The following STK10 variants were observed in gnomAD, a reference collection of about 807,000 sequenced individuals.
The protein encoded by STK10 is serine/threonine kinase 10.
STK10 carries 78 observed loss-of-function variants against 113.8 expected under a neutral mutation model. That is an observed-to-expected ratio of 0.69 (90% CI 0.57 to 0.83). The LOEUF is 0.83. STK10 is among the 40% of genes least tolerant of loss of function. STK10 has a pLI of 0.00. For missense variants in STK10, 1,109 were observed against 1,280.1 expected (o/e 0.87, Z 2.04); for synonymous variants, 465 against 494.7 (o/e 0.94, Z 0.80).
In STK10 at chr5:172,184,201, T is replaced by A. The variant is rs1438718482; in HGVS notation, c.156+3686A>T. Among the ~76,000 whole-genome samples the A allele has an allele frequency of 1.3e-5, 2 of 152,174 alleles. 1 individual carries two copies. Among genetic ancestry groups the A allele is most frequent in the Non-Finnish European group, 2.9e-5 (2 of 68,026 alleles). On this transcript the variant is annotated intron_variant, in intron 1 of 18. Transcript: ENST00000176763. ...AGATGGAATTTTTGGTTTGGGTTACTTCAGTAACCAGGCCAGGGAAAACCA... is the reference window on the plus strand; with the variant it reads ...AGATGGAATTTTTGGTTTGGGTTACATCAGTAACCAGGCCAGGGAAAACCA...
chr5:172,157,216 G>A (rs889724571), intron 1 of STK10, among the ~76,000 whole-genome samples: 2 of 152,188 alleles, frequency 1.3e-5, no homozygotes, highest in Non-Finnish European at 2.9e-5. Context: ...AGGCTGGGGA[G>A]GGGCCAGAAA....
intron 3 of STK10, 39 bp downstream of exon 3, chr5:172,127,334 G>GTCTGGTCCCGACAATGCA (rs751790566): frequency 1.1e-5 from 17 of 1,612,250 alleles, no homozygotes; most frequent in African/African-American, 1.3e-5. Context: ...CAAACGAGTC[G>GTCTGGTCCCGACAATGCA]TCTGGTCCCG....
At chr5:172,121,009 G>T (rs1233372608) in intron 3 of STK10, among the ~76,000 whole-genome samples, 8 of 150,032 alleles carry the variant, frequency 5.3e-5, no homozygotes, top group South Asian at 4.2e-4. Flanking sequence ...TTTGTTTTTT[G>T]TTGTTGTTGT....
At chr5:172,074,603 T>C (rs1272010366) in intron 12 of STK10, among the ~76,000 whole-genome samples, 1 of 152,148 alleles carries the variant, frequency 6.6e-6, no homozygotes, top group Non-Finnish European at 1.5e-5. Context: ...AAACCTAAAA[T>C]TGTAAAACTT....
chr5:172,057,330 G>T lies in STK10; in HGVS notation c.2337+19C>A. ...CGGCCCGGCAGCAGATCCGAGCCCC[G>T]TGCCACCGGCAGCCTCACCTTCTCA... On this transcript the variant is annotated intron_variant, in intron 15 of 18. Coordinates refer to ENST00000176763, the MANE Select transcript of STK10 (RefSeq NM_005990.4). 6.3e-7 allele frequency: 1 copy of T among 1,578,722 alleles called. No individual in the cohort carries two copies. Among genetic ancestry groups the T allele is most frequent in the Non-Finnish European group, 8.6e-7 (1 of 1,163,788 alleles).
intron 4 of STK10, chr5:172,114,805 T>G (rs1769339270): frequency 6.6e-6 from 1 of 151,912 alleles, no homozygotes; most frequent in African/African-American, 2.4e-5. Context: ...TTTCTTCCGT[T>G]TTTTAGGAAC....
At chr5:172,101,278 C>G (rs1010072108) in intron 7 of STK10, among the ~76,000 whole-genome samples, 3 of 151,936 alleles carry the variant, frequency 2.0e-5, no homozygotes, top group African/African-American at 7.3e-5. Flanking sequence ...CAAGACCAGC[C>G]TGGCCAACAT....
At chr5:172,175,899 A>AT (rs2098428783) in intron 1 of STK10, among the ~76,000 whole-genome samples, 1 of 152,202 alleles carries the variant, frequency 6.6e-6, no homozygotes, top group Admixed American at 6.5e-5. Context: ...GTGTGGAGTG[A>AT]GGATATCCCC....
chr5:172,083,003 C>G lies in STK10; in HGVS notation c.1767G>C (p.Leu589=), dbSNP rs140971878. ...AACGTTTATGCATTTGCTCCAGCTG[C>G]AGCTCATGCTTGTTACTCAGCTGGG... is the stretch of plus-strand genomic sequence containing the variant. ...NQTQLSNKHE[L]QLEQMHKRFE... Residue 589 remains leucine (L), a synonymous_variant, in exon 11 of 19, where the codon CTG becomes CTC. Coordinates refer to ENST00000176763, the MANE Select transcript of STK10 (RefSeq NM_005990.4). 1 of 1,613,928 alleles carries G rather than the reference C, an allele frequency of 6.2e-7. No homozygotes were observed. Among genetic ancestry groups the G allele is most frequent in the African/African-American group, 1.3e-5 (1 of 74,916 alleles).
At chr5:172,166,344 C>T (rs558139250) in intron 1 of STK10, among the ~76,000 whole-genome samples, 10 of 152,280 alleles carry the variant, frequency 6.6e-5, no homozygotes, top group South Asian at 4.1e-4. Flanking sequence ...TTACATGAGC[C>T]GATAAATTCC....
intron 7 of STK10, among the ~76,000 whole-genome samples, chr5:172,105,018 T>C (rs113246397): frequency 1.2e-4 from 19 of 152,246 alleles, no homozygotes; most frequent in African/African-American, 3.6e-4. Context: ...GTTCTCTCTG[T>C]GCTTTTGCTG....
intron 1 of STK10, among the ~76,000 whole-genome samples, chr5:172,179,789 A>C (rs1770818776): frequency 6.6e-6 from 1 of 152,200 alleles, no homozygotes; most frequent in Admixed American, 6.5e-5. Flanking sequence ...GGGAGGACTG[A>C]GACCTTCCCC....
At chr5:172,158,194 C>G (rs891393778) in intron 1 of STK10, among the ~76,000 whole-genome samples, 1 of 151,994 alleles carries the variant, frequency 6.6e-6, no homozygotes, top group Non-Finnish European at 1.5e-5. Context: ...AATGGTGCAG[C>G]CAGTGTGGAA....
chr5:172,167,395 G>A (rs1410822699), intron 1 of STK10, among the ~76,000 whole-genome samples: 1 of 152,160 alleles, frequency 6.6e-6, no homozygotes, highest in African/African-American at 2.4e-5. Flanking sequence ...ATTGTAACTA[G>A]GCTACAATTT....
chr5:172,084,303 G>A (rs375499876), intron 10 of STK10, among the ~76,000 whole-genome samples: 1 of 152,070 alleles, frequency 6.6e-6, no homozygotes, highest in South Asian at 2.1e-4. Flanking sequence ...AAGAGGCTGA[G>A]GCAAGAGAAT....
Position 172,082,828 on chromosome 5 carries a change from G to C in STK10, c.1809+133C>G. On this transcript the variant is annotated intron_variant, in intron 11 of 18. Transcript: ENST00000176763. This position sits in a 1 kb window ranked among gnomAD's most constrained non-coding sequence, Gnocchi z 4.3. ...TAACAAGTCACTGCCTAACAAGATC[G>C]GGAAGCCCCCAGGAATTGGGCAATT... The C allele has an allele frequency of 7.2e-7, 1 of 1,398,330 alleles. No individual in the cohort carries two copies. The highest frequency in any genetic ancestry group is 1.4e-5 in the South Asian group (1 of 72,348). The allele number at this position is 1,398,330 out of a possible 1,614,324, so 86.6% of individuals were successfully genotyped here. A position where few individuals can be genotyped will look rare whatever the true frequency, so the allele number is the denominator to read the frequency against.
intron 2 of STK10, among the ~76,000 whole-genome samples, chr5:172,130,431 G>A (rs3776756): frequency 1.8e-4 from 27 of 151,530 alleles, no homozygotes; most frequent in Admixed American, 3.3e-4. Context: ...CTTGGGAGGC[G>A]GAGGCAGGAG....
chr5:172,056,418 C>T (rs894289290), intron 15 of STK10, among the ~76,000 whole-genome samples: 1 of 152,204 alleles, frequency 6.6e-6, no homozygotes, highest in African/African-American at 2.4e-5. Flanking sequence ...AGTAGGGGCC[C>T]TCACCAGCTC....
At chr5:172,107,642 A>G in intron 5 of STK10, 138 bp downstream of exon 5, 2 of 651,068 alleles carry the variant, frequency 3.1e-6, no homozygotes, top group Non-Finnish European at 5.1e-6. Context: ...AGCTTGTCCA[A>G]GGTCACACAG....
Sources: allele counts gnomAD v4.1 joint callset (sites outside exome capture counted in the v4.1 genomes callset), GRCh38; gene constraint gnomAD v4.1.1; non-coding constraint Gnocchi (gnomAD v3.1); transcripts MANE v1.5; gene names NCBI Gene and HGNC (gene_info 2026-07-23, HGNC 2026-07-21).